Variants in RALGAPA1 observed in about 807,000 individuals in gnomAD.
The protein encoded by RALGAPA1 is Ral GTPase activating protein catalytic subunit alpha 1, also known as ral GTPase-activating protein subunit alpha-1.
A neutral mutation model predicts 269.6 loss-of-function variants in RALGAPA1; 52 were observed. The observed-to-expected ratio is 0.19, with a 90% CI of 0.15 to 0.24. The LOEUF (loss-of-function observed/expected upper bound fraction) is 0.24. Among genes scored for constraint, RALGAPA1 ranks in the 10% least tolerant of loss-of-function variants. RALGAPA1 has a pLI of 1.00. For missense variants in RALGAPA1, 1,917 were observed against 3,013.9 expected, an observed-to-expected ratio of 0.64 and a Z score of 8.52; for synonymous variants, 817 against 1,008.3, an observed-to-expected ratio of 0.81 and a Z score of 3.60.
intron 32 of RALGAPA1, among the ~76,000 whole-genome samples, 153 bp downstream of exon 32, chr14:35,635,311 C>T (rs1034532845): frequency 6.6e-6 from 1 of 152,116 alleles, no homozygotes; most frequent in Admixed American, 6.5e-5. Flanking sequence ...GTAGGAAGCA[C>T]TTTTAAATTA....
intron 7 of RALGAPA1, among the ~76,000 whole-genome samples, chr14:35,755,887 A>T (rs1306126010): frequency 6.6e-6 from 1 of 152,196 alleles, no homozygotes; most frequent in Non-Finnish European, 1.5e-5. Context: ...GAGCCATTAT[A>T]AGAAATGTGT....
intron 11 of RALGAPA1, among the ~76,000 whole-genome samples, chr14:35,739,040 C>A (rs1251532607): frequency 2.0e-5 from 3 of 151,200 alleles, no homozygotes; most frequent in Non-Finnish European, 3.0e-5. Flanking sequence ...AAATAAATGA[C>A]AAAAAAAAAA....
intron 16 of RALGAPA1, among the ~76,000 whole-genome samples, chr14:35,710,296 C>T (rs1275180978): frequency 1.3e-5 from 2 of 152,152 alleles, no homozygotes; most frequent in Non-Finnish European, 2.9e-5. Flanking sequence ...GAGTCTTGCT[C>T]TGTTGCCCAG....
chr14:35,707,232 G>A (rs1241377109), intron 16 of RALGAPA1: 5 of 152,122 alleles, frequency 3.3e-5, no homozygotes, highest in Non-Finnish European at 7.4e-5. Context: ...TTAGTTTCAG[G>A]AGGTTGTCAC....
chr14:35,675,780 A>G (rs2064886949), intron 22 of RALGAPA1, among the ~76,000 whole-genome samples: 1 of 152,190 alleles, frequency 6.6e-6, no homozygotes. Flanking sequence ...GACAATAAAG[A>G]TATCTATGCA....
chr14:35,796,741 G>GA (rs35192537), intron 1 of RALGAPA1, among the ~76,000 whole-genome samples: 16 of 145,606 alleles, frequency 1.1e-4, no homozygotes, highest in Middle Eastern at 3.6e-3. Context: ...AAGAACAAAG[G>GA]AAAAAAAAAG....
In RALGAPA1 at chr14:35,808,758, A is replaced by G; in HGVS notation, c.78T>C (p.Thr26=). 1 of 1,613,284 alleles carries G rather than the reference A, an allele frequency of 6.2e-7. No individual in the cohort carries two copies. The highest frequency in any genetic ancestry group is 2.2e-5 in the East Asian group (1 of 44,842). ...KVLDTKKDAL[T]RLKHLRIVIE... is the part of the protein sequence containing the mutation. ...TGACGATGCGCAGGTGCTTGAGGCG[A>G]GTCAGTGCGTCCTTCTTGGTGTCTA... is the stretch of plus-strand genomic sequence containing the variant. Residue 26 remains threonine, a synonymous_variant, in exon 1 of 42, where the codon ACT becomes ACC. Transcript: ENST00000680220.
chr14:35,807,427 C>G (rs879863912), intron 1 of RALGAPA1, among the ~76,000 whole-genome samples: 1 of 152,172 alleles, frequency 6.6e-6, no homozygotes, highest in Non-Finnish European at 1.5e-5. Context: ...TTTCTTACTA[C>G]TCCACTGGAA....
Position 35,748,541 on chromosome 14 carries a change from T to C in RALGAPA1, c.1251+44A>G, listed in dbSNP as rs552139637. On this transcript the variant is annotated intron_variant, in intron 10 of 41. Coordinates refer to ENST00000680220, the MANE Select transcript of RALGAPA1 (RefSeq NM_001346249.2). The stretch of plus-strand genomic sequence containing the variant: ...AAATCAGTATGTTTAATATTAAAGA[T>C]AAAAGCCTTCCTTATAAATTAAAAA... 42 of 1,552,150 alleles carry C rather than the reference T, an allele frequency of 2.7e-5. No homozygotes were observed. In the South Asian group the frequency reaches 4.7e-4, roughly 17 times the overall value.
chr14:35,546,292 C>T (rs1594505335), intron 41 of RALGAPA1, among the ~76,000 whole-genome samples: 2 of 151,960 alleles, frequency 1.3e-5, no homozygotes, highest in East Asian at 1.9e-4. Flanking sequence ...TGCACGTTAC[C>T]GCTAACCAGA....
chr14:35,635,401 G>A, intron 32 of RALGAPA1, 63 bp downstream of exon 32: 1 of 1,440,914 alleles, frequency 6.9e-7, no homozygotes, highest in Non-Finnish European at 9.3e-7. Context: ...ACTGAGAAAT[G>A]TTATTTCTCT....
At chr14:35,755,502 G>GT (rs1422695801) in intron 7 of RALGAPA1, among the ~76,000 whole-genome samples, 1 of 152,114 alleles carries the variant, frequency 6.6e-6, no homozygotes. Context: ...AGTTTATTGT[G>GT]TATCAATTAT....
chr14:35,668,587 A>C (rs1219993054), intron 26 of RALGAPA1, among the ~76,000 whole-genome samples: 2 of 151,918 alleles, frequency 1.3e-5, no homozygotes, highest in African/African-American at 4.8e-5. Context: ...GAGCCCAGGA[A>C]TTCAAGACCA....
At position 35,759,281 on chromosome 14, in the gene RALGAPA1, T is replaced by C. The variant is rs7153089; in HGVS notation, c.547+1548A>G. ...AACCTAAATTTATAGAAATAAAAAT[T>C]ATAAATAAGAGGTAGTACCTAACAG... On this transcript the variant is annotated intron_variant, in intron 6 of 41. Transcript: ENST00000680220. Among the ~76,000 whole-genome samples the C allele has an allele frequency of 2.5e-3, 374 of 152,286 alleles. 2 individuals are homozygous for C. The highest frequency in any genetic ancestry group is 8.6e-3 in the African/African-American group (358 of 41,546).
At chr14:35,766,304 C>A in intron 4 of RALGAPA1, 1 of 961,916 alleles carries the variant, frequency 1.0e-6, no homozygotes, top group South Asian at 1.3e-5. Context: ...CGGATTCTAC[C>A]ACAGCACAGG....
At chr14:35,772,237 G>T (rs1463697978) in intron 3 of RALGAPA1, among the ~76,000 whole-genome samples, 1 of 151,878 alleles carries the variant, frequency 6.6e-6, no homozygotes, top group Non-Finnish European at 1.5e-5. Flanking sequence ...TACTATTTTT[G>T]TGGAGATGGA....
chr14:35,612,599 C>T lies in RALGAPA1; in HGVS notation c.6930-6890G>A, dbSNP rs570500585. ...TGTCGCCCAGGCTGGAGTGCAGTGG[C>T]GCAATCTCGGCTCACTGCAAGCTCC... On this transcript the variant is annotated intron_variant, in intron 35 of 41. Coordinates refer to ENST00000680220, the MANE Select transcript of RALGAPA1 (RefSeq NM_001346249.2). 8.2e-3 allele frequency among the ~76,000 whole-genome samples: 1,217 copies of T among 148,796 alleles called. 7 individuals carry two copies. The highest frequency in any genetic ancestry group is 0.011 in the Non-Finnish European group (752 of 67,456).
intron 30 of RALGAPA1, among the ~76,000 whole-genome samples, chr14:35,653,362 T>A (rs2062971376): frequency 6.6e-6 from 1 of 152,152 alleles, no homozygotes; most frequent in African/African-American, 2.4e-5. Context: ...TAAATTCTGG[T>A]TAGGGAGAGC....
intron 36 of RALGAPA1, among the ~76,000 whole-genome samples, chr14:35,602,920 A>G (rs2059379030): frequency 6.6e-6 from 1 of 152,120 alleles, no homozygotes. Context: ...TAATTTTTGT[A>G]TATGGTATGG....
Sources: allele counts gnomAD v4.1 joint callset (sites outside exome capture counted in the v4.1 genomes callset), GRCh38; gene constraint gnomAD v4.1.1; transcripts MANE v1.5; gene names NCBI Gene and HGNC (gene_info 2026-07-23, HGNC 2026-07-21).